Variants in ASPH observed in about 807,000 individuals in gnomAD.
The protein encoded by ASPH is aspartate beta-hydroxylase.
ASPH carries 100 observed loss-of-function variants against 118.4 expected under a neutral mutation model. The observed-to-expected ratio is 0.84, with a 90% CI of 0.72 to 1.00. The LOEUF is 1.00. Ranked by LOEUF, ASPH falls within the 50% of genes least tolerant of loss-of-function variation. ASPH has a pLI of 0.00. For synonymous variants in ASPH, 315 were observed against 325.6 expected, an observed-to-expected ratio of 0.97 and a Z score of 0.35; for missense variants, 920 against 919.5, an observed-to-expected ratio of 1.00 and a Z score of -0.01.
chr8:61,697,152 C>T (rs1049537024), intron 1 of ASPH, among the ~76,000 whole-genome samples: 33 of 152,264 alleles, frequency 2.2e-4, no homozygotes, highest in African/African-American at 7.7e-4. Flanking sequence ...CAGAAGAATC[C>T]TGTAAATTAT....
intron 13 of ASPH, chr8:61,624,961 A>C: frequency 1.0e-6 from 1 of 985,228 alleles, no homozygotes; most frequent in Non-Finnish European, 1.2e-6. Flanking sequence ...TGCAGGACTC[A>C]CTACATTGTA....
chr8:61,574,689 G>A (rs555078447), intron 16 of ASPH, among the ~76,000 whole-genome samples: 6 of 152,200 alleles, frequency 3.9e-5, no homozygotes, highest in South Asian at 4.2e-4. Flanking sequence ...CACACACCGC[G>A]GCCTGTCGGG....
chr8:61,638,324 G>A lies in ASPH; in HGVS notation c.830C>T (p.Thr277Ile). The A allele has an allele frequency of 6.3e-7, 1 of 1,596,476 alleles. No homozygotes were observed. The change falls in exon 11 of 25, where the codon ACA becomes ATA. Residue 277 changes from threonine to isoleucine, a missense_variant and splice_region_variant. Thr to Ile is a moderately conservative substitution (Grantham distance 89, BLOSUM62 -1). Coordinates refer to ENST00000379454, the MANE Select transcript of ASPH (RefSeq NM_004318.4). ...EPLENEGIEITEVTAPPEDNP... is the reference protein window; with the variant it reads ...EPLENEGIEIIEVTAPPEDNP... Reference sequence around the variant, plus strand: ...ATGTGCTTACAGAAAAAACTTACCTGTGATTTCTATCCCTTCATTTTCTAG... The same window carrying A: ...ATGTGCTTACAGAAAAAACTTACCTATGATTTCTATCCCTTCATTTTCTAG...
intron 3 of ASPH, chr8:61,676,406 G>A (rs879153028): frequency 2.5e-5 from 31 of 1,264,290 alleles, no homozygotes; most frequent in Non-Finnish European, 3.1e-5. Context: ...TCTCAAAAGC[G>A]AGGTGCATCA....
chr8:61,643,509 T>G, intron 8 of ASPH, 76 bp from the exon 9 acceptor site: 1 of 1,375,222 alleles, frequency 7.3e-7, no homozygotes, highest in South Asian at 1.2e-5. Context: ...AGGAGATTCA[T>G]AAATTAATTA....
intron 3 of ASPH, among the ~76,000 whole-genome samples, chr8:61,670,492 A>C (rs1563500290): frequency 6.6e-6 from 1 of 152,234 alleles, no homozygotes; most frequent in African/African-American, 2.4e-5. Flanking sequence ...AGGAAAGGTG[A>C]CCAAAAATCT....
chr8:61,684,258 TTCTCC>T, intron 1 of ASPH, 70 bp from the exon 2 acceptor site: 3 of 1,478,976 alleles, frequency 2.0e-6, no homozygotes, highest in Non-Finnish European at 2.7e-6. Context: ...TCACAATTAT[TTCTCC>T]AATAATTTGG....
intron 14 of ASPH, among the ~76,000 whole-genome samples, chr8:61,613,393 C>T (rs576796948): frequency 2.6e-5 from 4 of 152,298 alleles, no homozygotes; most frequent in Admixed American, 1.3e-4. Flanking sequence ...TAAAATAAAT[C>T]TCTATCTATT....
At chr8:61,619,046 A>C in intron 13 of ASPH, 27 bp from the exon 14 acceptor site, 1 of 1,508,358 alleles carries the variant, frequency 6.6e-7, no homozygotes, top group Non-Finnish European at 9.2e-7. Context: ...AAACATAGTA[A>C]GTACTATGCA....
In ASPH at chr8:61,501,992, C is replaced by CATT. The variant is rs886217915; in HGVS notation, c.*1364_*1366dup. 3.3e-5 allele frequency: 5 copies of CATT among 152,158 alleles called. No individual in the cohort carries two copies. The highest frequency in any genetic ancestry group is 1.2e-4 in the African/African-American group (5 of 41,432). 9.4% of individuals were successfully genotyped at this position (152,158 alleles called of 1,614,324 possible). On this transcript the variant is annotated 3_prime_UTR_variant, in exon 25 of 25. Transcript: ENST00000379454. ...GGCTTAGAATTCAGTGCATGAATAT[C>CATT]ATTACATTCTTATATCTAACATTCC...
intron 15 of ASPH, among the ~76,000 whole-genome samples, chr8:61,580,996 G>T (rs1034758262): frequency 2.6e-5 from 4 of 152,192 alleles, no homozygotes; most frequent in African/African-American, 9.7e-5. Flanking sequence ...AATGATAATT[G>T]TGCTAAATGT....
chr8:61,673,093 T>C (rs1046581446), intron 3 of ASPH, among the ~76,000 whole-genome samples: 3 of 152,018 alleles, frequency 2.0e-5, no homozygotes, highest in Non-Finnish European at 2.9e-5. Flanking sequence ...AAACAGAAAA[T>C]AGTCCCTCTT....
intron 3 of ASPH, chr8:61,663,027 G>A (rs1817708918): frequency 1.0e-6 from 1 of 985,152 alleles, no homozygotes; most frequent in Non-Finnish European, 1.2e-6. Flanking sequence ...CTTCAAGAGA[G>A]AACAAAAAAT....
intron 24 of ASPH, among the ~76,000 whole-genome samples, chr8:61,508,046 GCT>G (rs1186575242): frequency 6.6e-6 from 1 of 151,996 alleles, no homozygotes; most frequent in Admixed American, 6.6e-5. Flanking sequence ...GACAGGATTT[GCT>G]CTGTCACCCA....
At chr8:61,530,631 GTCTT>G (rs751208321) in intron 21 of ASPH, among the ~76,000 whole-genome samples, 1 of 152,156 alleles carries the variant, frequency 6.6e-6, no homozygotes, top group Non-Finnish European at 1.5e-5. Context: ...CCTGCAGAAA[GTCTT>G]TCTTTTGAGA....
intron 1 of ASPH, among the ~76,000 whole-genome samples, chr8:61,704,127 G>A (rs1377146865): frequency 9.2e-4 from 128 of 138,544 alleles, no homozygotes; most frequent in African/African-American, 3.1e-3. Flanking sequence ...CCCGGGAGGC[G>A]GAGCTTGCAG....
chr8:61,689,005 A>T (rs1831680203), intron 1 of ASPH, among the ~76,000 whole-genome samples: 1 of 152,204 alleles, frequency 6.6e-6, no homozygotes, highest in African/African-American at 2.4e-5. Context: ...CAGTTTTCAT[A>T]CATCTATTCT....
At chr8:61,635,453 T>C (rs1365544255) in intron 12 of ASPH, among the ~76,000 whole-genome samples, 1 of 152,130 alleles carries the variant, frequency 6.6e-6, no homozygotes, top group African/African-American at 2.4e-5. Flanking sequence ...CAGGTTGGCA[T>C]ATTCAACCCC....
intron 3 of ASPH, chr8:61,665,342 G>C (rs201795551): frequency 6.2e-7 from 1 of 1,613,794 alleles, no homozygotes; most frequent in Admixed American, 1.7e-5. Flanking sequence ...GTCTCGGGAT[G>C]CCATTTTACT....
Sources: allele counts gnomAD v4.1 joint callset (sites outside exome capture counted in the v4.1 genomes callset), GRCh38; gene constraint gnomAD v4.1.1; transcripts MANE v1.5; gene names NCBI Gene and HGNC (gene_info 2026-07-23, HGNC 2026-07-21).